Variants in ENOX1 observed in about 807,000 individuals in gnomAD.
ENOX1 encodes ecto-NOX disulfide-thiol exchanger 1, also known as candidate growth-related and time keeping constitutive hydroquinone (NADH) oxidase.
ENOX1 carries 42 observed loss-of-function variants against 82.5 expected under a neutral mutation model. The observed-to-expected ratio is 0.51, with a 90% CI of 0.40 to 0.66. The LOEUF (loss-of-function observed/expected upper bound fraction) is 0.66. ENOX1 is among the 30% of genes least tolerant of loss of function. The pLI is 0.00. For synonymous variants in ENOX1, 271 were observed against 282.2 expected (o/e 0.96, Z 0.40); for missense variants, 608 against 811.6 (o/e 0.75, Z 3.05).
intron 3 of ENOX1, among the ~76,000 whole-genome samples, chr13:43,460,950 A>T (rs1455977019): frequency 6.6e-6 from 1 of 151,708 alleles, no homozygotes; most frequent in Non-Finnish European, 1.5e-5. Flanking sequence ...TATTAGAAAC[A>T]CTCTTCTTTC....
chr13:43,426,517 ATCT>A (rs1193535549), intron 3 of ENOX1, among the ~76,000 whole-genome samples: 47 of 152,166 alleles, frequency 3.1e-4, no homozygotes, highest in Admixed American at 2.8e-3. Context: ...AATGAAAAAG[ATCT>A]TCTGCTTTTC....
intron 1 of ENOX1, among the ~76,000 whole-genome samples, chr13:43,673,014 T>C (rs892688858): frequency 3.9e-5 from 6 of 152,174 alleles, no homozygotes; most frequent in Admixed American, 3.9e-4. Flanking sequence ...ATACCTTTTC[T>C]AGATCAATTC....
At chr13:43,232,400 T>C (rs904822468) in intron 15 of ENOX1, among the ~76,000 whole-genome samples, 4 of 152,242 alleles carry the variant, frequency 2.6e-5, no homozygotes, top group Non-Finnish European at 5.9e-5. Context: ...TTCTTTATGG[T>C]CAGTAGTTTT....
At chr13:43,304,122 TG>T (rs2046734695) in intron 11 of ENOX1, among the ~76,000 whole-genome samples, 1 of 152,198 alleles carries the variant, frequency 6.6e-6, no homozygotes, top group African/African-American at 2.4e-5. Context: ...GAGCTCAGCT[TG>T]CCCCGTGCCC....
At chr13:43,754,036 G>A (rs1175337994) in intron 1 of ENOX1, among the ~76,000 whole-genome samples, 18 of 86,332 alleles carry the variant, frequency 2.1e-4, no homozygotes, top group South Asian at 5.4e-4. Context: ...ACATATATAT[G>A]TATATAAATA....
intron 2 of ENOX1, among the ~76,000 whole-genome samples, chr13:43,508,921 T>C (rs1395499038): frequency 6.6e-6 from 1 of 152,016 alleles, no homozygotes; most frequent in Non-Finnish European, 1.5e-5. Context: ...TTTAAAAGCA[T>C]ATATATGCAT....
intron 16 of ENOX1, among the ~76,000 whole-genome samples, chr13:43,216,244 G>T (rs1398418527): frequency 6.6e-6 from 1 of 152,136 alleles, no homozygotes; most frequent in African/African-American, 2.4e-5. Flanking sequence ...TTTTACTCTG[G>T]CTAGGCCTCA....
At chr13:43,673,741 C>G (rs1359167742) in intron 1 of ENOX1, among the ~76,000 whole-genome samples, 1 of 152,152 alleles carries the variant, frequency 6.6e-6, no homozygotes, top group Non-Finnish European at 1.5e-5. Context: ...GAAGAAATAC[C>G]TTTCTCTCTG....
At chr13:43,651,706 A>C (rs1422545020) in intron 2 of ENOX1, among the ~76,000 whole-genome samples, 1 of 145,100 alleles carries the variant, frequency 6.9e-6, no homozygotes, top group African/African-American at 2.6e-5. Flanking sequence ...AAAAAAAAAA[A>C]TCACACCTAT....
At chr13:43,373,619 CGT>C (rs1335917091) in intron 5 of ENOX1, among the ~76,000 whole-genome samples, 1 of 152,288 alleles carries the variant, frequency 6.6e-6, no homozygotes, top group African/African-American at 2.4e-5. Context: ...CACACACACA[CGT>C]GTCTTTTTAA....
chr13:43,439,764 T>G (rs2153621174), intron 3 of ENOX1, among the ~76,000 whole-genome samples: 2 of 152,366 alleles, frequency 1.3e-5, no homozygotes, highest in South Asian at 4.1e-4. Flanking sequence ...GCAAGCATTC[T>G]GTTTCTTTTG....
intron 11 of ENOX1, among the ~76,000 whole-genome samples, chr13:43,315,079 A>G (rs923692324): frequency 1.3e-5 from 2 of 152,252 alleles, no homozygotes; most frequent in African/African-American, 4.8e-5. Context: ...GCCTTAAAAA[A>G]TACACGGAAA....
At chr13:43,573,825 T>A (rs919959397) in intron 2 of ENOX1, among the ~76,000 whole-genome samples, 2 of 152,200 alleles carry the variant, frequency 1.3e-5, no homozygotes, top group African/African-American at 4.8e-5. Context: ...CAGCTGCTGA[T>A]AAAAGTTTGA....
chr13:43,573,664 T>C (rs1400661859), intron 2 of ENOX1, among the ~76,000 whole-genome samples: 1 of 152,164 alleles, frequency 6.6e-6, no homozygotes. Flanking sequence ...CAGACATCCA[T>C]GGAGGGCTAC....
At chr13:43,362,017 T>C (rs889989019) in intron 5 of ENOX1, among the ~76,000 whole-genome samples, 5 of 151,518 alleles carry the variant, frequency 3.3e-5, no homozygotes. Flanking sequence ...TGATTACAAT[T>C]ACTATGGCTG....
intron 1 of ENOX1, among the ~76,000 whole-genome samples, chr13:43,707,037 T>C (rs2087341471): frequency 6.6e-6 from 1 of 152,130 alleles, no homozygotes; most frequent in South Asian, 2.1e-4. Context: ...CACATAAAAT[T>C]ACTGGAACTG....
chr13:43,236,928 A>G (rs1348845295), intron 14 of ENOX1, among the ~76,000 whole-genome samples, 190 bp from the exon 15 acceptor site: 2 of 152,252 alleles, frequency 1.3e-5, no homozygotes, highest in Non-Finnish European at 2.9e-5. Context: ...TTAGGCTCCT[A>G]GGTACTGCTC....
chr13:43,589,192 A>T (rs1329300), intron 2 of ENOX1, among the ~76,000 whole-genome samples: 131,430 of 140,024 alleles, frequency 0.94, 62,276 homozygotes, highest in East Asian at 1. Flanking sequence ...CCAAACCAGG[A>T]ACCCAGAGCT....
rs1002319168 is a variant in ENOX1, at chr13:43,251,965, T to C, written c.1611+13433A>G. On this transcript the variant is annotated intron_variant, in intron 14 of 16. Transcript: ENST00000690772. ...TGTGTGTGATTGTGCGTGTGTGTAG[T>C]GAGGGGACAGAGAATTATACTGACA... is the stretch of plus-strand genomic sequence containing the variant. Among the ~76,000 whole-genome samples, 7 of 152,120 alleles carry C rather than the reference T, an allele frequency of 4.6e-5. No homozygotes were observed. In the East Asian group the frequency reaches 1.2e-3, roughly 25 times the overall value.
Sources: gnomAD v4.1 joint callset for allele counts (sites outside exome capture counted in the v4.1 genomes callset) on GRCh38, gnomAD v4.1.1 for gene constraint, MANE v1.5 for transcripts, NCBI Gene and HGNC (gene_info 2026-07-23, HGNC 2026-07-21) for gene names.